The following ZNRF2 variants were observed in gnomAD, a reference collection of about 807,000 sequenced individuals.
ZNRF2 encodes zinc and ring finger 2, also known as E3 ubiquitin-protein ligase ZNRF2.
A neutral mutation model predicts 20.4 loss-of-function variants in ZNRF2; 16 were observed. That is an observed-to-expected ratio of 0.79 (90% CI 0.53 to 1.19). The LOEUF (loss-of-function observed/expected upper bound fraction) is 1.19. Among genes scored for constraint, ZNRF2 ranks in the 50% most tolerant of loss-of-function variants. The pLI, the probability that ZNRF2 is intolerant of heterozygous loss-of-function variation, is 0.00. For synonymous variants in ZNRF2, 178 were observed against 144.9 expected (o/e 1.23, Z -1.64); for missense variants, 363 against 332.4 (o/e 1.09, Z -0.72).
chr7:30,344,970 C>G (rs1454878515), intron 2 of ZNRF2, among the ~76,000 whole-genome samples: 1 of 152,078 alleles, frequency 6.6e-6, no homozygotes, highest in Non-Finnish European at 1.5e-5. Context: ...GATTTGTCCT[C>G]CTTTTAAAAT....
intron 3 of ZNRF2, among the ~76,000 whole-genome samples, chr7:30,358,268 A>G (rs1583598310): frequency 6.6e-6 from 1 of 152,234 alleles, no homozygotes; most frequent in African/African-American, 2.4e-5. Context: ...TCATATTGCA[A>G]CAAGAAAAAA....
intron 1 of ZNRF2, among the ~76,000 whole-genome samples, chr7:30,317,673 ACAGC>A (rs1799398752): frequency 1.3e-5 from 2 of 152,240 alleles, no homozygotes; most frequent in South Asian, 4.1e-4. Flanking sequence ...AAGAGGGCCA[ACAGC>A]CAGGATGCTG....
At chr7:30,339,481 C>T (rs1203532400) in intron 2 of ZNRF2, among the ~76,000 whole-genome samples, 2 of 152,306 alleles carry the variant, frequency 1.3e-5, no homozygotes, top group East Asian at 3.9e-4. Context: ...CACTTTTCTG[C>T]ATATGGCTAG....
intron 2 of ZNRF2, among the ~76,000 whole-genome samples, chr7:30,353,612 G>A (rs1799990901): frequency 6.6e-6 from 1 of 151,946 alleles, no homozygotes; most frequent in South Asian, 2.1e-4. Context: ...TGTCTTTGTT[G>A]TACTATAAAT....
chr7:30,288,184 ATTTAC>A (rs1798830523), intron 1 of ZNRF2, among the ~76,000 whole-genome samples: 1 of 152,236 alleles, frequency 6.6e-6, no homozygotes, highest in African/African-American at 2.4e-5. Flanking sequence ...ACTAGTTCAC[ATTTAC>A]TTAACTTTTT....
At chr7:30,311,508 A>C (rs1799292112) in intron 1 of ZNRF2, among the ~76,000 whole-genome samples, 2 of 152,170 alleles carry the variant, frequency 1.3e-5, no homozygotes, top group African/African-American at 4.8e-5. Flanking sequence ...CATACCAATG[A>C]AAAGTGGTTT....
At chr7:30,292,278 G>A (rs2128055284) in intron 1 of ZNRF2, among the ~76,000 whole-genome samples, 1 of 152,214 alleles carries the variant, frequency 6.6e-6, no homozygotes, top group Non-Finnish European at 1.5e-5. Context: ...TGATCCATGG[G>A]TTACATATTC....
chr7:30,352,124 A>G (rs1214854651), intron 2 of ZNRF2, among the ~76,000 whole-genome samples: 4 of 152,020 alleles, frequency 2.6e-5, no homozygotes, highest in African/African-American at 9.7e-5. Flanking sequence ...TTAAAATTTC[A>G]TCTCTAATAT....
In ZNRF2 at chr7:30,315,108, G is replaced by A. The variant is rs576366193; in HGVS notation, c.470-8534G>A. Among the ~76,000 whole-genome samples, 29 of 152,178 alleles carry A rather than the reference G, an allele frequency of 1.9e-4. 1 individual carries two copies. Among genetic ancestry groups the A allele is most frequent in the Admixed American group, 6.5e-4 (10 of 15,282 alleles). On this transcript the variant is annotated intron_variant, in intron 1 of 4. Coordinates refer to ENST00000323037, the MANE Select transcript of ZNRF2 (RefSeq NM_147128.4). ...TGGGATTACAGGTGTGAGCCACCAC[G>A]CCTGGCCTATGGGAAGTGTATTTGT...
chr7:30,320,268 T>C (rs947972654), intron 1 of ZNRF2, among the ~76,000 whole-genome samples: 2 of 152,038 alleles, frequency 1.3e-5, no homozygotes, highest in African/African-American at 4.8e-5. Flanking sequence ...ATATAAATAA[T>C]TTATCGATAC....
chr7:30,334,028 T>TG (rs1799679937), intron 2 of ZNRF2, among the ~76,000 whole-genome samples: 1 of 152,192 alleles, frequency 6.6e-6, no homozygotes, highest in Non-Finnish European at 1.5e-5. Context: ...TTATTTTTGT[T>TG]GCGTTTGCCT....
chr7:30,331,502 G>A (rs1799634349), intron 2 of ZNRF2, among the ~76,000 whole-genome samples: 1 of 152,112 alleles, frequency 6.6e-6, no homozygotes, highest in Admixed American at 6.6e-5. Context: ...GTAGTTCTGA[G>A]GAAATTACAC....
intron 2 of ZNRF2, among the ~76,000 whole-genome samples, chr7:30,354,790 A>AC (rs1391875388): frequency 6.6e-6 from 1 of 152,208 alleles, no homozygotes; most frequent in Non-Finnish European, 1.5e-5. Flanking sequence ...TAAACGAAGA[A>AC]CATATACTCT....
chr7:30,295,026 A>AGGGAGGGAAG lies in ZNRF2; in HGVS notation c.469+9201_469+9202insGGAGGGAAGG, dbSNP rs1386681689. On this transcript the variant is annotated intron_variant, in intron 1 of 4. Coordinates refer to ENST00000323037, the MANE Select transcript of ZNRF2 (RefSeq NM_147128.4). ...GAGAGGGAGGGAAGGAGAGAGAGAG[A>AGGGAGGGAAG]GAGAGAGAGAGAGAGAGAGAGAGAG... 1.6e-4 allele frequency among the ~76,000 whole-genome samples: 15 copies of AGGGAGGGAAG among 95,516 alleles called. 1 individual carries two copies. Among genetic ancestry groups the AGGGAGGGAAG allele is most frequent in the African/African-American group, 6.4e-4 (13 of 20,162 alleles). The allele number at this position is 95,516 out of a possible 152,430, so 62.7% of individuals were successfully genotyped here.
At chr7:30,305,463 A>T (rs1321308933) in intron 1 of ZNRF2, among the ~76,000 whole-genome samples, 2 of 152,158 alleles carry the variant, frequency 1.3e-5, no homozygotes, top group Admixed American at 1.3e-4. Flanking sequence ...TCATGTAGAT[A>T]GTATTTTTGT....
intron 1 of ZNRF2, among the ~76,000 whole-genome samples, chr7:30,286,784 C>T (rs1207763242): frequency 6.6e-6 from 1 of 152,162 alleles, no homozygotes; most frequent in Non-Finnish European, 1.5e-5. Flanking sequence ...ATAAGCATTC[C>T]CATTTCATCG....
intron 1 of ZNRF2, among the ~76,000 whole-genome samples, chr7:30,317,187 T>C (rs148952929): frequency 1.6e-3 from 250 of 152,300 alleles, no homozygotes; most frequent in African/African-American, 5.5e-3. Context: ...TTCATTTCCG[T>C]ATTTATTTGG....
At position 30,334,408 on chromosome 7, in the gene ZNRF2, A is replaced by T. The variant is rs564524173; in HGVS notation, c.565+10671A>T. ...TTCGGTTCCTATAGCCTTGTAGTAT[A>T]GTTTGAAGTCAGGTAATGTGATGCC... On this transcript the variant is annotated intron_variant, in intron 2 of 4. Coordinates refer to ENST00000323037, the MANE Select transcript of ZNRF2 (RefSeq NM_147128.4). Among the ~76,000 whole-genome samples the T allele has an allele frequency of 5.9e-5, 9 of 152,230 alleles. No homozygotes were observed. In the South Asian group the frequency reaches 1.9e-3, roughly 32 times the overall value.
chr7:30,358,951 T>C (rs1004669399), intron 3 of ZNRF2, among the ~76,000 whole-genome samples: 2 of 152,178 alleles, frequency 1.3e-5, no homozygotes, highest in Non-Finnish European at 2.9e-5. Context: ...AAACAAGTGC[T>C]GGCACATACA....
Sources: allele counts gnomAD v4.1 joint callset (sites outside exome capture counted in the v4.1 genomes callset), GRCh38; gene constraint gnomAD v4.1.1; transcripts MANE v1.5; gene names NCBI Gene and HGNC (gene_info 2026-07-23, HGNC 2026-07-21).